The following CTNNA3 variants were observed in gnomAD, a reference collection of about 807,000 sequenced individuals.
The protein encoded by CTNNA3 is catenin alpha 3, also known as catenin alpha-3.
CTNNA3 carries 76 observed loss-of-function variants against 95.7 expected under a neutral mutation model. That is an observed-to-expected ratio of 0.79 (90% CI 0.66 to 0.96). The LOEUF is 0.96. CTNNA3 is among the 40% of genes least tolerant of loss of function. The pLI is 0.00. For missense variants in CTNNA3, 1,191 were observed against 1,089.8 expected, an observed-to-expected ratio of 1.09 and a Z score of -1.31; for synonymous variants, 431 against 374.4, an observed-to-expected ratio of 1.15 and a Z score of -1.74.
chr10:66,390,412 G>A (rs1206779199), intron 11 of CTNNA3, among the ~76,000 whole-genome samples: 1 of 151,978 alleles, frequency 6.6e-6, no homozygotes, highest in Non-Finnish European at 1.5e-5. Context: ...GAAGAAGAGA[G>A]AAAAAGATAT....
chr10:66,072,019 C>T (rs925895788), intron 14 of CTNNA3, among the ~76,000 whole-genome samples: 1 of 152,164 alleles, frequency 6.6e-6, no homozygotes, highest in Admixed American at 6.6e-5. Context: ...TGCTTTGCAG[C>T]TCACACCATA....
At chr10:66,083,013 C>A (rs10822706) in intron 14 of CTNNA3, among the ~76,000 whole-genome samples, 3 of 148,488 alleles carry the variant, frequency 2.0e-5, no homozygotes, top group Non-Finnish European at 4.5e-5. Flanking sequence ...GAGTCCCTTC[C>A]CTAAAGGAAA....
At chr10:67,357,581 A>G (rs2894037) in intron 5 of CTNNA3, among the ~76,000 whole-genome samples, 135,057 of 152,050 alleles carry the variant, frequency 0.89, 61,102 homozygotes, top group East Asian at 1. Flanking sequence ...AGAAAAACAC[A>G]ACATCATAAA....
At chr10:67,096,267 AC>A (rs1229585592) in intron 7 of CTNNA3, among the ~76,000 whole-genome samples, 1 of 151,854 alleles carries the variant, frequency 6.6e-6, no homozygotes, top group African/African-American at 2.4e-5. Context: ...AGGAATTTTC[AC>A]TGAAGTAGAA....
At chr10:67,356,091 C>A (rs564171236) in intron 5 of CTNNA3, among the ~76,000 whole-genome samples, 1 of 152,000 alleles carries the variant, frequency 6.6e-6, no homozygotes, top group Non-Finnish European at 1.5e-5. Context: ...CTGGTCTATG[C>A]ATCCTTAATT....
intron 7 of CTNNA3, among the ~76,000 whole-genome samples, chr10:66,951,673 T>C (rs779070814): frequency 2.6e-5 from 4 of 152,198 alleles, no homozygotes; most frequent in Non-Finnish European, 5.9e-5. Context: ...TCCTCTCCAT[T>C]AATCCTGAAT....
chr10:66,269,026 A>C (rs897543748), intron 13 of CTNNA3, among the ~76,000 whole-genome samples: 1 of 152,222 alleles, frequency 6.6e-6, no homozygotes, highest in Non-Finnish European at 1.5e-5. Context: ...GTATTACAGC[A>C]AGTAGTATTT....
Position 67,654,324 on chromosome 10 carries a change from C to T in CTNNA3, c.-5-6806G>A, listed in dbSNP as rs534024957. 1.5e-4 allele frequency among the ~76,000 whole-genome samples: 23 copies of T among 152,290 alleles called. 1 individual carries two copies. In the South Asian group the frequency reaches 4.1e-3, roughly 27 times the overall value. On this transcript the variant is annotated intron_variant, in intron 1 of 17. Coordinates refer to ENST00000433211, the MANE Select transcript of CTNNA3 (RefSeq NM_013266.4). The stretch of plus-strand genomic sequence containing the variant: ...CATAGGCATATGGTGTGCAGGCCTC[C>T]GTCTGTACCCTCACACTTCCCAATA...
At chr10:67,553,670 A>C (rs1841114366) in intron 3 of CTNNA3, among the ~76,000 whole-genome samples, 1 of 152,234 alleles carries the variant, frequency 6.6e-6, no homozygotes, top group African/African-American at 2.4e-5. Context: ...ATATACAAAA[A>C]AAGAAAAAGA....
chr10:66,754,330 G>A (rs896942675), intron 9 of CTNNA3, among the ~76,000 whole-genome samples: 4 of 152,080 alleles, frequency 2.6e-5, no homozygotes, highest in Admixed American at 1.3e-4. Flanking sequence ...AATGAAATTG[G>A]ACTCTTACCT....
intron 10 of CTNNA3, among the ~76,000 whole-genome samples, chr10:66,567,140 A>G (rs74143416): frequency 0.1 from 14,579 of 139,236 alleles, 920 homozygotes; most frequent in East Asian, 0.23. Flanking sequence ...CAATATCACT[A>G]TCACTCAATA....
In CTNNA3 at chr10:67,442,782, C is replaced by T. The variant is rs1846572448; in HGVS notation, c.579+79060G>A. On this transcript the variant is annotated intron_variant, in intron 5 of 17. Transcript: ENST00000433211. The stretch of plus-strand genomic sequence containing the variant: ...ATAATAACAACTAGAGACTTTAACA[C>T]CCTACTTTCTTTTTTTTTAATTATT... Among the ~76,000 whole-genome samples the T allele has an allele frequency of 2.0e-5, 3 of 151,736 alleles. No individual in the cohort carries two copies. In the South Asian group the frequency reaches 6.3e-4, roughly 32 times the overall value.
intron 7 of CTNNA3, among the ~76,000 whole-genome samples, chr10:66,879,103 A>G (rs1282000485): frequency 6.6e-6 from 1 of 152,086 alleles, no homozygotes; most frequent in East Asian, 1.9e-4. Flanking sequence ...CCCCAAAGCC[A>G]CAGAGCCACT....
chr10:67,504,469 C>T (rs990799697), intron 5 of CTNNA3, among the ~76,000 whole-genome samples: 3 of 121,620 alleles, frequency 2.5e-5, no homozygotes, highest in African/African-American at 9.0e-5. Flanking sequence ...AACAGAGTAA[C>T]ATTCATTAGA....
chr10:67,594,699 C>A (rs1042916254), intron 3 of CTNNA3, among the ~76,000 whole-genome samples: 4 of 151,812 alleles, frequency 2.6e-5, no homozygotes, highest in Non-Finnish European at 5.9e-5. Flanking sequence ...TTTCAAAAAA[C>A]AAACTTTAGG....
rs866331530 is a variant in CTNNA3 at position 66,355,069 on chromosome 10, T to G, written c.1732+24083A>C. Among the ~76,000 whole-genome samples the G allele has an allele frequency of 3.3e-5, 5 of 152,114 alleles. No individual in the cohort carries two copies. In the South Asian group the frequency reaches 1.0e-3, roughly 32 times the overall value. Reference sequence around the variant, plus strand: ...CAGGAATACACACGCTAGACAGGCTTAATTCTGGTGTGGCGTTCATCATCA... The same window carrying G: ...CAGGAATACACACGCTAGACAGGCTGAATTCTGGTGTGGCGTTCATCATCA... On this transcript the variant is annotated intron_variant, in intron 12 of 17. Coordinates refer to ENST00000433211, the MANE Select transcript of CTNNA3 (RefSeq NM_013266.4).
intron 10 of CTNNA3, among the ~76,000 whole-genome samples, chr10:66,593,149 T>G (rs1338726216): frequency 6.6e-6 from 1 of 152,118 alleles, no homozygotes; most frequent in Non-Finnish European, 1.5e-5. Flanking sequence ...ATGTAAGAAT[T>G]TATTAGAAAA....
At chr10:66,280,728 T>C (rs1213823808) in intron 12 of CTNNA3, 107 bp from the exon 13 acceptor site, 7 of 720,272 alleles carry the variant, frequency 9.7e-6, no homozygotes, top group East Asian at 3.1e-5. Context: ...ATTTGATTAA[T>C]AGATCTTTAA....
At chr10:66,008,429 CTAATATGTT>C (rs946798717) in intron 15 of CTNNA3, among the ~76,000 whole-genome samples, 1 of 152,212 alleles carries the variant, frequency 6.6e-6, no homozygotes, top group African/African-American at 2.4e-5. Context: ...TCCAAGAAGT[CTAATATGTT>C]TACGCCAGGA....
Sources: allele counts gnomAD v4.1 joint callset (sites outside exome capture counted in the v4.1 genomes callset), GRCh38; gene constraint gnomAD v4.1.1; transcripts MANE v1.5; gene names NCBI Gene and HGNC (gene_info 2026-07-23, HGNC 2026-07-21).